The following TMEM132B variants were observed in gnomAD, a reference collection of about 807,000 sequenced individuals.
The protein encoded by TMEM132B is transmembrane protein 132B.
Under a neutral mutation model 90.8 loss-of-function variants are expected in TMEM132B, and 18 were observed. The ratio of observed to expected loss-of-function variants is 0.20; its 90% CI spans 0.14 to 0.29. The LOEUF is 0.29. Among genes scored for constraint, TMEM132B ranks in the 10% least tolerant of loss-of-function variants. TMEM132B has a pLI of 1.00. For missense variants in TMEM132B, 1,096 were observed against 1,326.8 expected (o/e 0.83, Z 2.70); for synonymous variants, 504 against 523.3 (o/e 0.96, Z 0.50).
intron 5 of TMEM132B, among the ~76,000 whole-genome samples, chr12:125,599,784 C>T (rs919679046): frequency 1.3e-5 from 2 of 151,984 alleles, no homozygotes; most frequent in Non-Finnish European, 2.9e-5. Flanking sequence ...GCCTTTTTTT[C>T]AGAATTCAGC....
chr12:125,615,016 T>G (rs1265959358), intron 5 of TMEM132B, among the ~76,000 whole-genome samples: 1 of 152,202 alleles, frequency 6.6e-6, no homozygotes, highest in African/African-American at 2.4e-5. Context: ...CAGGTTTTAT[T>G]ATTTCTGATG....
rs1241934449 is a variant in TMEM132B at position 125,415,553 on chromosome 12, A to G, written c.982A>G (p.Lys328Glu). 1.9e-6 allele frequency: 3 copies of G among 1,614,190 alleles called. No homozygotes were observed. Among genetic ancestry groups the G allele is most frequent in the Non-Finnish European group, 2.5e-6 (3 of 1,180,028 alleles). The stretch of plus-strand genomic sequence containing the variant: ...CAGAATTAAGGCGGCAGCAGGTGTG[A>G]AGATAACGGCAGTGAGAGTCAGCAG... ...TLRIKAAAGV[K>E]ITAVRVSSED... The change falls in exon 3 of 9, where the codon AAG (lysine) becomes GAG (glutamate). Residue 328 changes from lysine (K) to glutamate (E), a missense_variant. By Grantham distance (56) the Lys-to-Glu change is moderately conservative (BLOSUM62 1). Coordinates refer to ENST00000682704, the MANE Select transcript of TMEM132B (RefSeq NM_001366854.1). This position sits in a 1 kb window ranked among gnomAD's most constrained non-coding sequence, Gnocchi z 5.3.
chr12:125,380,283 T>C (rs1161120515), intron 2 of TMEM132B, among the ~76,000 whole-genome samples: 1 of 152,216 alleles, frequency 6.6e-6, no homozygotes, highest in African/African-American at 2.4e-5. Flanking sequence ...TCTCTGCCTC[T>C]GTCTTCACAT....
intron 4 of TMEM132B, among the ~76,000 whole-genome samples, chr12:125,534,144 G>T (rs913445313): frequency 1.3e-5 from 2 of 152,192 alleles, no homozygotes; most frequent in Non-Finnish European, 2.9e-5. Context: ...TTACATTTAA[G>T]AGAAGACAAA....
chr12:125,424,771 G>T (rs1880267105), intron 3 of TMEM132B, among the ~76,000 whole-genome samples: 1 of 152,156 alleles, frequency 6.6e-6, no homozygotes, highest in Non-Finnish European at 1.5e-5. Context: ...CAGTGGAAAA[G>T]AGACCTCCGT....
intron 1 of TMEM132B, among the ~76,000 whole-genome samples, chr12:125,282,347 A>G (rs925381019): frequency 2.0e-5 from 3 of 152,090 alleles, no homozygotes; most frequent in African/African-American, 7.2e-5. Flanking sequence ...TCCTCAGCTC[A>G]TCCAGGCTTG....
chr12:125,576,895 AG>A (rs1884953072), intron 4 of TMEM132B, among the ~76,000 whole-genome samples: 2 of 150,462 alleles, frequency 1.3e-5, no homozygotes, highest in South Asian at 4.2e-4. Context: ...TGTGTGTGGC[AG>A]GGGGGTGGGG....
At chr12:125,192,244 G>A (rs1248232299) in intron 1 of TMEM132B, among the ~76,000 whole-genome samples, 1 of 152,194 alleles carries the variant, frequency 6.6e-6, no homozygotes, top group Non-Finnish European at 1.5e-5. Context: ...GGCAATGTGA[G>A]GTTTGCAAAG....
At chr12:125,541,100 T>C (rs1298996721) in intron 4 of TMEM132B, among the ~76,000 whole-genome samples, 4 of 152,248 alleles carry the variant, frequency 2.6e-5, no homozygotes, top group African/African-American at 9.6e-5. Context: ...TATCACCTGG[T>C]AAGAGCGGCC....
intron 5 of TMEM132B, among the ~76,000 whole-genome samples, chr12:125,598,413 G>A (rs1885494004): frequency 6.6e-6 from 1 of 152,072 alleles, no homozygotes; most frequent in Non-Finnish European, 1.5e-5. Context: ...AGACAATCGA[G>A]GCAGCAACAA....
At chr12:125,473,103 C>T (rs1215734416) in intron 3 of TMEM132B, among the ~76,000 whole-genome samples, 2 of 152,126 alleles carry the variant, frequency 1.3e-5, no homozygotes, top group Non-Finnish European at 2.9e-5. Flanking sequence ...TTATCTGGCA[C>T]CCTCCTCCTT....
At chr12:125,199,187 C>T (rs1008805188) in intron 1 of TMEM132B, among the ~76,000 whole-genome samples, 91 of 152,304 alleles carry the variant, frequency 6.0e-4, no homozygotes, top group African/African-American at 2.1e-3. Context: ...GCATCGTATG[C>T]ACTTTTGCAT....
intron 3 of TMEM132B, among the ~76,000 whole-genome samples, chr12:125,457,730 A>G (rs1368551114): frequency 5.3e-5 from 8 of 152,092 alleles, no homozygotes; most frequent in Admixed American, 3.3e-4. Flanking sequence ...GGCAGAGGAG[A>G]CAATGGTGTG....
At chr12:125,571,147 T>C (rs1884782875) in intron 4 of TMEM132B, among the ~76,000 whole-genome samples, 1 of 152,230 alleles carries the variant, frequency 6.6e-6, no homozygotes, top group African/African-American at 2.4e-5. Context: ...AGTGAGGAGC[T>C]GAGAGGAGAC....
intron 1 of TMEM132B, among the ~76,000 whole-genome samples, chr12:125,331,224 C>T (rs980734902): frequency 2.1e-4 from 32 of 152,356 alleles, no homozygotes; most frequent in African/African-American, 7.5e-4. Context: ...TCCCCTCCTC[C>T]GCGTTGCTGC....
At chr12:125,587,648 A>G (rs954637582) in intron 5 of TMEM132B, 2 of 152,114 alleles carry the variant, frequency 1.3e-5, no homozygotes, top group Non-Finnish European at 2.9e-5. Flanking sequence ...TTTGTCTTTC[A>G]CATGGAGGTT....
At chr12:125,510,787 A>G (rs1012579524) in intron 3 of TMEM132B, among the ~76,000 whole-genome samples, 10 of 152,160 alleles carry the variant, frequency 6.6e-5, no homozygotes, top group African/African-American at 2.4e-4. Context: ...GCAGTTTTTA[A>G]TATAAACTAT....
intron 4 of TMEM132B, among the ~76,000 whole-genome samples, chr12:125,569,402 G>T (rs1208939633): frequency 6.6e-6 from 1 of 152,110 alleles, no homozygotes. Flanking sequence ...CAGTGGCCTC[G>T]GATGCCCTCT....
At chr12:125,226,614 A>G (rs1170854502) in intron 1 of TMEM132B, among the ~76,000 whole-genome samples, 2 of 152,232 alleles carry the variant, frequency 1.3e-5, no homozygotes, top group South Asian at 2.1e-4. Context: ...CACAGTGGTA[A>G]GAGGTTAGCT....
Sources: allele counts gnomAD v4.1 joint callset (sites outside exome capture counted in the v4.1 genomes callset), GRCh38; gene constraint gnomAD v4.1.1; non-coding constraint Gnocchi (gnomAD v3.1); transcripts MANE v1.5; gene names NCBI Gene and HGNC (gene_info 2026-07-23, HGNC 2026-07-21).